FAT2: variants seen among roughly 807,000 people sequenced by gnomAD.
The protein encoded by FAT2 is FAT atypical cadherin 2.
FAT2 carries 150 observed loss-of-function variants against 295.3 expected under a neutral mutation model. The ratio of observed to expected loss-of-function variants is 0.51; its 90% CI spans 0.44 to 0.58. The LOEUF is 0.58. Ranked by LOEUF, FAT2 falls within the 20% of genes least tolerant of loss-of-function variation. The pLI is 0.00. For missense variants in FAT2, 4,868 were observed against 5,442.7 expected (o/e 0.89, Z 3.32); for synonymous variants, 2,026 against 2,150.3 (o/e 0.94, Z 1.60).
intron 3 of FAT2, among the ~76,000 whole-genome samples, chr5:151,562,475 C>T (rs1191127085): frequency 1.3e-5 from 2 of 152,076 alleles, no homozygotes; most frequent in Non-Finnish European, 2.9e-5. Context: ...CAGGTGGTGT[C>T]AATGAGGGAC....
chr5:151,574,845 T>C (rs1758683671), intron 1 of FAT2, among the ~76,000 whole-genome samples: 2 of 150,814 alleles, frequency 1.3e-5, no homozygotes, highest in South Asian at 4.2e-4. Context: ...CAACTGGATG[T>C]GGCCAGGAGA....
At chr5:151,561,733 T>C (rs75629404) in intron 3 of FAT2, among the ~76,000 whole-genome samples, 1,940 of 152,290 alleles carry the variant, frequency 0.013, 43 homozygotes, top group African/African-American at 0.044. Flanking sequence ...ATACAAGGCA[T>C]CCAAGTAGGG....
intron 14 of FAT2, 132 bp from the exon 15 acceptor site, chr5:151,529,524 C>A: frequency 1.5e-6 from 1 of 670,702 alleles, no homozygotes; most frequent in South Asian, 1.7e-5. Context: ...CTGTCATCTC[C>A]CCATCCATCT....
intron 1 of FAT2, among the ~76,000 whole-genome samples, chr5:151,575,840 A>G (rs1193654370): frequency 6.6e-6 from 1 of 152,230 alleles, no homozygotes; most frequent in Non-Finnish European, 1.5e-5. Flanking sequence ...TGTGCTGTCC[A>G]GGGTGGGAGC....
At chr5:151,514,392 T>C (rs1752627528) in intron 20 of FAT2, among the ~76,000 whole-genome samples, 1 of 152,198 alleles carries the variant, frequency 6.6e-6, no homozygotes, top group Non-Finnish European at 1.5e-5. Flanking sequence ...CCATAGTCAA[T>C]CATCCTAACT....
intron 1 of FAT2, among the ~76,000 whole-genome samples, chr5:151,579,350 T>C (rs889343786): frequency 1.3e-5 from 2 of 152,156 alleles, no homozygotes; most frequent in Non-Finnish European, 2.9e-5. Flanking sequence ...GGCAGGAGGA[T>C]TGCTTGAAGC....
rs536014920 is a variant in FAT2, at chr5:151,508,103, C to T, written c.12060-492G>A. Among the ~76,000 whole-genome samples, 27 of 152,274 alleles carry T rather than the reference C, an allele frequency of 1.8e-4. No individual in the cohort carries two copies. In the South Asian group the frequency reaches 3.5e-3, roughly 20 times the overall value. ...GGGCAACTTGCTCAGAGAAAGCATG[C>T]GAACTCTCAGGGTACCTCTAGCTTG... On this transcript the variant is annotated intron_variant, in intron 22 of 23. Coordinates refer to ENST00000261800, the MANE Select transcript of FAT2 (RefSeq NM_001447.3).
chr5:151,521,639 G>T lies in FAT2; in HGVS notation c.10954C>A (p.Gln3652Lys). The stretch of plus-strand genomic sequence containing the variant: ...TCCAGCTTATGGCTGAGGAACCTCT[G>T]CAGGTTCCGCCAGTGGTCACTCACC... The part of the protein sequence containing the change: ...ELVSDHWRNL[Q>K]RFLSHKLDIK... The change falls in exon 19 of 24, where the codon CAG becomes AAG. Residue 3652 changes from glutamine to lysine, a missense_variant. Transcript: ENST00000261800. The T allele has an allele frequency of 6.2e-7, 1 of 1,614,084 alleles. No individual in the cohort carries two copies. The highest frequency in any genetic ancestry group is 8.5e-7 in the Non-Finnish European group (1 of 1,180,026).
Position 151,545,522 on chromosome 5 carries a change from G to A in FAT2, c.5605C>T (p.Pro1869Ser), listed in dbSNP as rs1424047664. 2 of 1,614,146 alleles carry A rather than the reference G, an allele frequency of 1.2e-6. No homozygotes were observed. The highest frequency in any genetic ancestry group is 1.1e-5 in the South Asian group (1 of 91,080). ...IIHVRDVNDS[P>S]PRFSEQIYEV... ...TATATCTGTTCTGAGAATCTGGGAGGGGAATCATTCACATCTCTGACATGA... is the reference window on the plus strand; with the variant it reads ...TATATCTGTTCTGAGAATCTGGGAGAGGAATCATTCACATCTCTGACATGA... The change falls in exon 10 of 24, where the codon CCT becomes TCT. Residue 1869 changes from proline (P) to serine (S), a missense_variant. This residue lies in a region of FAT2 where 3,297 missense variants were observed against 3,669.4 expected (regional missense o/e 0.90). Coordinates refer to ENST00000261800, the MANE Select transcript of FAT2 (RefSeq NM_001447.3).
chr5:151,527,339 ACTGT>A lies in FAT2; in HGVS notation c.10199_10202del (p.Asp3400ValfsTer48). ...TGTCCTCATGCAGTGGAGGCTGCCCACTGTCTGTGGCTCGGAGCTTCAGGGAATA... is the reference window on the plus strand; with the variant it reads ...TGTCCTCATGCAGTGGAGGCTGCCCACTGTGGCTCGGAGCTTCAGGGAATA... On this transcript the variant is annotated frameshift_variant, in exon 17 of 24. Coordinates refer to ENST00000261800, the MANE Select transcript of FAT2 (RefSeq NM_001447.3). LOFTEE classifies it high-confidence loss of function. 1.2e-6 allele frequency: 2 copies of A among 1,612,758 alleles called. No individual in the cohort carries two copies. Among genetic ancestry groups the A allele is most frequent in the Non-Finnish European group, 1.7e-6 (2 of 1,179,282 alleles).
intron 3 of FAT2, among the ~76,000 whole-genome samples, chr5:151,558,217 G>A (rs1757864956): frequency 6.6e-6 from 1 of 152,274 alleles, no homozygotes; most frequent in East Asian, 1.9e-4. Flanking sequence ...ATCCATATAA[G>A]GGAAGAGTTG....
rs1262238652 is a variant in FAT2 at position 151,521,661 on chromosome 5, C to T, written c.10932G>A (p.Val3644=). ...GFYQLTPEEL[V]SDHWRNLQRF... ...TCTGCAGGTTCCGCCAGTGGTCACT[C>T]ACCAGCTCCTCGGGGGTGAGCTGGT... Residue 3644 remains valine (V), a synonymous_variant, in exon 19 of 24, where the codon GTG becomes GTA. Transcript: ENST00000261800. 1.2e-6 allele frequency: 2 copies of T among 1,613,970 alleles called. No homozygotes were observed. The highest frequency in any genetic ancestry group is 2.7e-5 in the African/African-American group (2 of 74,946).
At position 151,567,187 on chromosome 5, in the gene FAT2, G is replaced by T; in HGVS notation, c.1745C>A (p.Ser582Ter). 4.3e-6 allele frequency: 7 copies of T among 1,614,092 alleles called. No individual in the cohort carries two copies. Among genetic ancestry groups the T allele is most frequent in the Non-Finnish European group, 5.9e-6 (7 of 1,180,018 alleles). The change falls in exon 2 of 24, where the codon TCG (serine) becomes TAG (stop). Residue 582 changes from serine to a stop codon, truncating the protein, a stop_gained. Transcript: ENST00000261800. LOFTEE classifies it high-confidence loss of function. The part of the protein sequence containing the change: ...SIRQDWPVGK[S>*]IMTMSAIDVD... The stretch of plus-strand genomic sequence containing the variant: ...ATCTATGGCTGACATAGTCATTATC[G>T]ATTTCCCTACTGGCCAGTCTTGGCG...
At chr5:151,514,912 T>C (rs1033587818) in intron 20 of FAT2, among the ~76,000 whole-genome samples, 52 of 152,374 alleles carry the variant, frequency 3.4e-4, no homozygotes, top group Admixed American at 3.1e-3. Context: ...TTCCACAGCA[T>C]ACACACATGG....
intron 21 of FAT2, chr5:151,511,893 GT>G (rs1761350042): frequency 2.0e-6 from 1 of 493,712 alleles, no homozygotes; most frequent in South Asian, 2.5e-5. Flanking sequence ...ACTAAGGTAT[GT>G]GATTAATTCA....
intron 18 of FAT2, among the ~76,000 whole-genome samples, chr5:151,524,539 C>G (rs1016510408): frequency 5.3e-5 from 8 of 152,218 alleles, no homozygotes; most frequent in African/African-American, 1.9e-4. Context: ...GCCTCCAGAA[C>G]TGTGGGAAAT....
In FAT2 at chr5:151,543,458, C is replaced by A. The variant is rs2127607641; in HGVS notation, c.7669G>T (p.Val2557Phe). 6.2e-7 allele frequency: 1 copy of A among 1,614,146 alleles called. No homozygotes were observed. The highest frequency in any genetic ancestry group is 8.5e-7 in the Non-Finnish European group (1 of 1,180,030). ...CTTCCTCCTCCATCCCGAGCCATGA[C>A]CTTAATAGCAATGACTCTCTCTGTT... The part of the protein sequence containing the change: ...NSTERVIAIK[V>F]MARDGGGRVA... Residue 2557 changes from valine (V) to phenylalanine (F), a missense_variant, in exon 10 of 24, where the codon GTC becomes TTC. Coordinates refer to ENST00000261800, the MANE Select transcript of FAT2 (RefSeq NM_001447.3).
Position 151,512,882 on chromosome 5 carries a change from ATCAAGACCCTG to A in FAT2, c.11464-287_11464-277del. ...ACTGAGGCCGAGAGATGCTTTGCTG[ATCAAGACCCTG>A]TATTTTGGATGCTTCTTCACAGGCC... On this transcript the variant is annotated intron_variant, in intron 20 of 23. Transcript: ENST00000261800. This position sits in a 1 kb window ranked among gnomAD's most constrained non-coding sequence, Gnocchi z 4.1. 2.2e-6 allele frequency: 1 copy of A among 463,560 alleles called. No individual in the cohort carries two copies. Among genetic ancestry groups the A allele is most frequent in the Admixed American group, 3.6e-5 (1 of 28,104 alleles). The allele number at this position is 463,560 out of a possible 1,614,324, so 28.7% of individuals were successfully genotyped here.
In FAT2 at chr5:151,568,591, C is replaced by T; in HGVS notation, c.341G>A (p.Ser114Asn). ...TGTGGCTTGGATGATGAGGGTGTAG[C>T]TGTCTCGCACCTCTCTGTTCAGAAG... Reference protein sequence around the residue: ...TALLNREVRDSYTLIIQATEK... With the variant: ...TALLNREVRDNYTLIIQATEK... Residue 114 changes from serine (S) to asparagine (N), a missense_variant, in exon 2 of 24, where the codon AGC becomes AAC. Around this residue, in one of 5 missense-constraint regions of FAT2, gnomAD observed 3,297 missense variants for 3,669.4 expected, o/e 0.90. Coordinates refer to ENST00000261800, the MANE Select transcript of FAT2 (RefSeq NM_001447.3). 1 of 1,614,130 alleles carries T rather than the reference C, an allele frequency of 6.2e-7. No homozygotes were observed.
Sources: gnomAD v4.1 joint callset for allele counts (sites outside exome capture counted in the v4.1 genomes callset) on GRCh38, gnomAD v4.1.1 for gene constraint, gnomAD v4.1.1 regional missense constraint, Gnocchi (gnomAD v3.1) non-coding constraint, MANE v1.5 for transcripts, NCBI Gene and HGNC (gene_info 2026-07-23, HGNC 2026-07-21) for gene names.